Variants in EYA4 observed in about 807,000 individuals in gnomAD.
EYA4 encodes protein phosphatase EYA4.
A neutral mutation model predicts 87.9 loss-of-function variants in EYA4; 31 were observed. That is an observed-to-expected ratio of 0.35 (90% CI 0.27 to 0.48). The LOEUF (loss-of-function observed/expected upper bound fraction) is 0.48. Among genes scored for constraint, EYA4 ranks in the 20% least tolerant of loss-of-function variants. EYA4 has a pLI of 0.99. For synonymous variants in EYA4, 263 were observed against 270.6 expected, an observed-to-expected ratio of 0.97 and a Z score of 0.28; for missense variants, 678 against 761.4, an observed-to-expected ratio of 0.89 and a Z score of 1.29.
intron 13 of EYA4, among the ~76,000 whole-genome samples, chr6:133,487,087 G>A (rs6942295): frequency 0.062 from 9,473 of 152,234 alleles, 939 homozygotes; most frequent in African/African-American, 0.21. Context: ...ACTTGGGGGA[G>A]GGAGAGCTCA....
At chr6:133,485,496 T>G (rs935683368) in intron 13 of EYA4, among the ~76,000 whole-genome samples, 1 of 152,132 alleles carries the variant, frequency 6.6e-6, no homozygotes, top group African/African-American at 2.4e-5. Context: ...ACACAACCAG[T>G]CAGTGGCAGA....
At chr6:133,349,882 A>T (rs1783503971) in intron 2 of EYA4, among the ~76,000 whole-genome samples, 1 of 152,144 alleles carries the variant, frequency 6.6e-6, no homozygotes. Flanking sequence ...AGCAAGATTC[A>T]ACTTGTGGAC....
At chr6:133,430,104 G>C (rs1791054755) in intron 3 of EYA4, among the ~76,000 whole-genome samples, 1 of 152,122 alleles carries the variant, frequency 6.6e-6, no homozygotes. Flanking sequence ...CCACTTGTAA[G>C]TGAGAACATG....
Position 133,409,477 on chromosome 6 carries a change from C to T in EYA4, c.83+27036C>T, listed in dbSNP as rs554686607. ...TGATCTCACTTATATGTGGAATACA[C>T]GTACTTTCTATAGATAGATAGAAAT... On this transcript the variant is annotated intron_variant, in intron 3 of 19. Coordinates refer to ENST00000355286, the MANE Select transcript of EYA4 (RefSeq NM_004100.5). 1.9e-3 allele frequency among the ~76,000 whole-genome samples: 282 copies of T among 152,226 alleles called. 1 individual carries two copies. Among genetic ancestry groups the T allele is most frequent in the Middle Eastern group, 0.017 (5 of 294 alleles).
At chr6:133,502,417 G>A (rs1798212097) in intron 13 of EYA4, 1 of 152,058 alleles carries the variant, frequency 6.6e-6, no homozygotes, top group African/African-American at 2.4e-5. Context: ...TAATGAAAAT[G>A]AGCAAACATC....
At position 133,483,064 on chromosome 6, in the gene EYA4, C is replaced by T. The variant is rs956032543; in HGVS notation, c.1140C>T (p.Ile380=). 6.2e-7 allele frequency: 1 copy of T among 1,613,316 alleles called. No individual in the cohort carries two copies. Among genetic ancestry groups the T allele is most frequent in the Non-Finnish European group, 8.5e-7 (1 of 1,179,606 alleles). ...RVFVWDLDET[I]IVFHSLLTGS... is the part of the protein sequence containing the mutation. ...TTGTCTGGGATTTGGATGAAACCAT[C>T]ATTGTTTTTCACTCACTGCTCACCG... is the stretch of plus-strand genomic sequence containing the variant. The change falls in exon 13 of 20, where the codon ATC becomes ATT. Residue 380 remains isoleucine (I), a synonymous_variant. Coordinates refer to ENST00000355286, the MANE Select transcript of EYA4 (RefSeq NM_004100.5).
chr6:133,421,047 G>T (rs866124745), intron 3 of EYA4, among the ~76,000 whole-genome samples: 1 of 152,312 alleles, frequency 6.6e-6, no homozygotes, highest in Middle Eastern at 3.4e-3. Context: ...CACCTTTAAA[G>T]AATTATTCTT....
In EYA4 at chr6:133,255,476, G is replaced by T. The variant is rs1775263535; in HGVS notation, c.-66+13727G>T. On this transcript the variant is annotated intron_variant, in intron 1 of 19. Coordinates refer to ENST00000355286, the MANE Select transcript of EYA4 (RefSeq NM_004100.5). ...TGATTTATGTATTTTATTTTACTGTGCATATGTTATACTTTCTTAAAAAGT... is the reference window on the plus strand; with the variant it reads ...TGATTTATGTATTTTATTTTACTGTTCATATGTTATACTTTCTTAAAAAGT... Among the ~76,000 whole-genome samples the T allele has an allele frequency of 6.6e-5, 10 of 152,122 alleles. No homozygotes were observed. In the South Asian group the frequency reaches 1.9e-3, roughly 28 times the overall value.
intron 5 of EYA4, chr6:133,453,072 C>G (rs148235923): frequency 6.6e-6 from 1 of 152,124 alleles, no homozygotes; most frequent in Non-Finnish European, 1.5e-5. Flanking sequence ...CCCATTTAAA[C>G]TTCATGTTAA....
chr6:133,337,350 T>TA (rs34011368), intron 2 of EYA4, among the ~76,000 whole-genome samples: 4,483 of 152,194 alleles, frequency 0.029, 224 homozygotes, highest in African/African-American at 0.1. Context: ...TTTTAGGTGG[T>TA]AAAAAATGAC....
chr6:133,288,910 CAG>C (rs1778272946), intron 2 of EYA4, among the ~76,000 whole-genome samples: 1 of 152,038 alleles, frequency 6.6e-6, no homozygotes, highest in Non-Finnish European at 1.5e-5. Context: ...ATTTCTTGAC[CAG>C]AAGGTTACTG....
At chr6:133,408,778 TTATTCATGG>T (rs1426578426) in intron 3 of EYA4, among the ~76,000 whole-genome samples, 6 of 152,220 alleles carry the variant, frequency 3.9e-5, no homozygotes, top group African/African-American at 1.4e-4. Flanking sequence ...GATGTCATGA[TTATTCATGG>T]TATTCACCAG....
rs143867561 is a variant in EYA4, at chr6:133,400,377, G to T, written c.83+17936G>T. On this transcript the variant is annotated intron_variant, in intron 3 of 19. Transcript: ENST00000355286. ...ACAAAAATTAGTAGGGTGTGGTGGC[G>T]CACGCCTGTAATCCCAGCTACTCCG... 3.9e-5 allele frequency among the ~76,000 whole-genome samples: 6 copies of T among 151,952 alleles called. No homozygotes were observed. In the East Asian group the frequency reaches 5.8e-4, roughly 15 times the overall value.
At chr6:133,407,625 C>T (rs1053971432) in intron 3 of EYA4, among the ~76,000 whole-genome samples, 8 of 151,988 alleles carry the variant, frequency 5.3e-5, no homozygotes, top group South Asian at 2.1e-4. Context: ...CAGCAGTTTT[C>T]GTCTTCTAAA....
chr6:133,351,550 C>T (rs1033493145), intron 2 of EYA4, among the ~76,000 whole-genome samples: 3 of 152,140 alleles, frequency 2.0e-5, no homozygotes, highest in African/African-American at 4.8e-5. Flanking sequence ...TACCCCCTCC[C>T]GCATCACAGT....
chr6:133,360,992 T>C (rs1180040743), intron 2 of EYA4, among the ~76,000 whole-genome samples: 1 of 152,200 alleles, frequency 6.6e-6, no homozygotes, highest in African/African-American at 2.4e-5. Flanking sequence ...AACCTACTCT[T>C]GGAAGAAGGC....
At chr6:133,333,084 A>G (rs1394371261) in intron 2 of EYA4, among the ~76,000 whole-genome samples, 1 of 152,168 alleles carries the variant, frequency 6.6e-6, no homozygotes, top group Non-Finnish European at 1.5e-5. Context: ...TAGACCTACC[A>G]TGTGCCAAGG....
At chr6:133,461,574 A>G (rs1794387565) in intron 7 of EYA4, among the ~76,000 whole-genome samples, 1 of 152,104 alleles carries the variant, frequency 6.6e-6, no homozygotes, top group Non-Finnish European at 1.5e-5. Flanking sequence ...TAGTCACTTT[A>G]TTGAGGACAG....
chr6:133,254,236 A>T (rs2128235095), intron 1 of EYA4, among the ~76,000 whole-genome samples: 1 of 152,248 alleles, frequency 6.6e-6, no homozygotes, highest in South Asian at 2.1e-4. Context: ...ACAGACCTTG[A>T]TCTCTTTGGT....
Sources: allele counts gnomAD v4.1 joint callset (sites outside exome capture counted in the v4.1 genomes callset), GRCh38; gene constraint gnomAD v4.1.1; transcripts MANE v1.5; gene names NCBI Gene and HGNC (gene_info 2026-07-23, HGNC 2026-07-21).